The following TULP4 variants were observed in gnomAD, a reference collection of about 807,000 sequenced individuals.
TULP4 encodes tubby-related protein 4.
Under a neutral mutation model 129.0 loss-of-function variants are expected in TULP4, and 16 were observed. The ratio of observed to expected loss-of-function variants is 0.12; its 90% CI spans 0.08 to 0.19. The LOEUF is 0.19. Among genes scored for constraint, TULP4 ranks in the 10% least tolerant of loss-of-function variants. The pLI, the probability that TULP4 is intolerant of heterozygous loss-of-function variation, is 1.00. For synonymous variants in TULP4, 998 were observed against 854.0 expected (o/e 1.17, Z -2.94); for missense variants, 1,842 against 2,059.1 (o/e 0.89, Z 2.04).
In TULP4 at chr6:158,503,449, A is replaced by G. The variant is rs753547543; in HGVS notation, c.3786A>G (p.Pro1262=). The G allele has an allele frequency of 3.2e-5, 52 of 1,613,760 alleles. No individual in the cohort carries two copies. The highest frequency in any genetic ancestry group is 6.7e-5 in the East Asian group (3 of 44,868). ...SLQLPPVALH[P]WSSYSACPPM... Reference sequence around the variant, plus strand: ...AGCTGCCACCTGTCGCCTTGCATCCATGGAGTTCCTACAGCGCCTGCCCGC... The same window carrying G: ...AGCTGCCACCTGTCGCCTTGCATCCGTGGAGTTCCTACAGCGCCTGCCCGC... The change falls in exon 13 of 14, where the codon CCA becomes CCG. Residue 1262 remains proline (P), a synonymous_variant. Coordinates refer to ENST00000367097, the MANE Select transcript of TULP4 (RefSeq NM_020245.5). This position sits in a 1 kb window ranked among gnomAD's most constrained non-coding sequence, Gnocchi z 4.3.
At position 158,445,973 on chromosome 6, in the gene TULP4, C is replaced by T. The variant is rs114802008; in HGVS notation, c.544-3023C>T. 7.7e-3 allele frequency among the ~76,000 whole-genome samples: 1,178 copies of T among 152,242 alleles called. 10 individuals are homozygous for T. The highest frequency in any genetic ancestry group is 0.026 in the African/African-American group (1,098 of 41,524). Reference sequence around the variant, plus strand: ...GAGCCAAGCCTGGGGAGCACTAGCACGGAGAATTCTACAAACAGGAGCACC... The same window carrying T: ...GAGCCAAGCCTGGGGAGCACTAGCATGGAGAATTCTACAAACAGGAGCACC... On this transcript the variant is annotated intron_variant, in intron 3 of 13. Coordinates refer to ENST00000367097, the MANE Select transcript of TULP4 (RefSeq NM_020245.5).
chr6:158,481,093 C>T lies in TULP4; in HGVS notation c.1290C>T (p.Val430=). ...ATCCGAACAACATGAGAGACTTTGT[C>T]AGCTACCCATCAGCCGGCAACGAGC... is the stretch of plus-strand genomic sequence containing the variant. ...IPDPNNMRDF[V]SYPSAGNERL... is the part of the protein sequence containing the mutation. Residue 430 remains valine, a synonymous_variant, in exon 8 of 14, where the codon GTC becomes GTT. Coordinates refer to ENST00000367097, the MANE Select transcript of TULP4 (RefSeq NM_020245.5). 1 of 1,595,468 alleles carries T rather than the reference C, an allele frequency of 6.3e-7. No homozygotes were observed. The highest frequency in any genetic ancestry group is 8.6e-7 in the Non-Finnish European group (1 of 1,167,100).
At chr6:158,424,591 C>A (rs536977121) in intron 2 of TULP4, among the ~76,000 whole-genome samples, 11 of 152,214 alleles carry the variant, frequency 7.2e-5, no homozygotes, top group African/African-American at 2.6e-4. Context: ...ACTTATAATA[C>A]CTAATACAAT....
chr6:158,326,109 C>A (rs558512389), intron 1 of TULP4, among the ~76,000 whole-genome samples: 1 of 152,250 alleles, frequency 6.6e-6, no homozygotes, highest in African/African-American at 2.4e-5. Flanking sequence ...GGTTATTATT[C>A]AGTGTTTACA....
At chr6:158,289,728 G>A (rs1195685123) in intron 1 of TULP4, among the ~76,000 whole-genome samples, 5 of 150,142 alleles carry the variant, frequency 3.3e-5, no homozygotes, top group African/African-American at 1.2e-4. Flanking sequence ...CCACAGGCAT[G>A]TGCCACCATG....
At position 158,493,793 on chromosome 6, in the gene TULP4, G is replaced by A. The variant is rs17504313; in HGVS notation, c.1776+76G>A. The A allele has an allele frequency of 0.12, 166,367 of 1,438,510 alleles. 10,110 individuals are homozygous for A. Among genetic ancestry groups the A allele is most frequent in the Non-Finnish European group, 0.12 (130,830 of 1,087,230 alleles). 89.1% of individuals were successfully genotyped at this position (1,438,510 alleles called of 1,614,324 possible). On this transcript the variant is annotated intron_variant, in intron 10 of 13. Coordinates refer to ENST00000367097, the MANE Select transcript of TULP4 (RefSeq NM_020245.5). This position sits in a 1 kb window ranked among gnomAD's most constrained non-coding sequence, Gnocchi z 4.4. ...CCCAGAGGGCCCCTTCCTACCCGCC[G>A]CCTGCACTGCTCACTGCCACCATGG...
intron 1 of TULP4, among the ~76,000 whole-genome samples, chr6:158,268,268 A>G (rs1276828836): frequency 1.3e-5 from 2 of 151,158 alleles, no homozygotes; most frequent in Non-Finnish European, 1.5e-5. Flanking sequence ...TGAACTCCCA[A>G]CCCCAGGTGA....
chr6:158,481,558 A>G (rs61691538), intron 8 of TULP4: 9,257 of 522,730 alleles, frequency 0.018, 701 homozygotes, highest in African/African-American at 0.16. Flanking sequence ...AAGTTGGCGC[A>G]GTCCTCCTGG....
At chr6:158,444,005 G>A (rs1268517265) in intron 3 of TULP4, among the ~76,000 whole-genome samples, 4 of 152,002 alleles carry the variant, frequency 2.6e-5, no homozygotes, top group South Asian at 2.1e-4. Flanking sequence ...GGATCACAAG[G>A]TCAGGAGATT....
At chr6:158,252,477 G>A (rs1186853753) in intron 1 of TULP4, among the ~76,000 whole-genome samples, 1 of 152,132 alleles carries the variant, frequency 6.6e-6, no homozygotes, top group Non-Finnish European at 1.5e-5. Context: ...CTGGGTTCAA[G>A]CGATTCTCCT....
chr6:158,499,902 T>A (rs1280379752), intron 12 of TULP4, among the ~76,000 whole-genome samples: 1 of 152,194 alleles, frequency 6.6e-6, no homozygotes, highest in East Asian at 1.9e-4. Flanking sequence ...CTTGCTTCTC[T>A]GTTGGTGACC....
At chr6:158,421,955 C>T (rs889442815) in intron 2 of TULP4, among the ~76,000 whole-genome samples, 4 of 151,996 alleles carry the variant, frequency 2.6e-5, no homozygotes, top group African/African-American at 4.8e-5. Context: ...CATTGTATAC[C>T]GGAATTTGTG....
At chr6:158,270,534 T>C (rs926320712) in intron 1 of TULP4, among the ~76,000 whole-genome samples, 1 of 152,236 alleles carries the variant, frequency 6.6e-6, no homozygotes, top group Non-Finnish European at 1.5e-5. Context: ...GGGCACTCAC[T>C]AAGTGTCTCT....
chr6:158,237,727 C>G (rs113731832), intron 1 of TULP4: 30,367 of 912,076 alleles, frequency 0.033, 625 homozygotes, highest in Non-Finnish European at 0.038. Context: ...TTGACTATCT[C>G]TAGTAACTTT....
chr6:158,381,689 A>G (rs1362101185), intron 1 of TULP4, among the ~76,000 whole-genome samples: 2 of 152,206 alleles, frequency 1.3e-5, no homozygotes, highest in East Asian at 1.9e-4. Context: ...TGGATTTTGC[A>G]TTATGAACTA....
At chr6:158,378,768 C>A (rs827986) in intron 1 of TULP4, among the ~76,000 whole-genome samples, 101,566 of 151,728 alleles carry the variant, frequency 0.67, 34,474 homozygotes, top group Middle Eastern at 0.74. Context: ...TACAGGCATG[C>A]GCTACCGCGC....
At chr6:158,352,925 G>C (rs1300653338) in intron 1 of TULP4, among the ~76,000 whole-genome samples, 1 of 152,182 alleles carries the variant, frequency 6.6e-6, no homozygotes, top group African/African-American at 2.4e-5. Flanking sequence ...TAAAGGAAAA[G>C]TGTATGAGTT....
chr6:158,420,157 A>G (rs1778302900), intron 2 of TULP4, among the ~76,000 whole-genome samples: 1 of 152,260 alleles, frequency 6.6e-6, no homozygotes, highest in Non-Finnish European at 1.5e-5. Flanking sequence ...CAGATTTCCA[A>G]AAGATTTTTA....
At chr6:158,252,322 CTTT>C (rs370152701) in intron 1 of TULP4, among the ~76,000 whole-genome samples, 1 of 138,162 alleles carries the variant, frequency 7.2e-6, no homozygotes. Context: ...AATGTTTTTT[CTTT>C]TTTTTTTTTT....
Sources: gnomAD v4.1 joint callset for allele counts (sites outside exome capture counted in the v4.1 genomes callset) on GRCh38, gnomAD v4.1.1 for gene constraint, Gnocchi (gnomAD v3.1) non-coding constraint, MANE v1.5 for transcripts, NCBI Gene and HGNC (gene_info 2026-07-23, HGNC 2026-07-21) for gene names.